Variants in CDKAL1 observed in about 807,000 individuals in gnomAD.
CDKAL1 encodes threonylcarbamoyladenosine tRNA methylthiotransferase.
Under a neutral mutation model 68.2 loss-of-function variants are expected in CDKAL1, and 32 were observed. That is an observed-to-expected ratio of 0.47 (90% CI 0.35 to 0.63). The LOEUF (loss-of-function observed/expected upper bound fraction) is 0.63. Ranked by LOEUF, CDKAL1 falls within the 30% of genes least tolerant of loss-of-function variation. CDKAL1 has a pLI of 0.00. For synonymous variants in CDKAL1, 234 were observed against 244.3 expected, an observed-to-expected ratio of 0.96 and a Z score of 0.39; for missense variants, 606 against 696.7, an observed-to-expected ratio of 0.87 and a Z score of 1.47.
chr6:21,076,091 T>C (rs898537180), intron 12 of CDKAL1, among the ~76,000 whole-genome samples: 1 of 152,156 alleles, frequency 6.6e-6, no homozygotes, highest in Non-Finnish European at 1.5e-5. Context: ...CTAGAACTTT[T>C]ACCCTTAAGA....
intron 14 of CDKAL1, among the ~76,000 whole-genome samples, chr6:21,199,542 C>T (rs973283461): frequency 2.0e-5 from 3 of 152,176 alleles, no homozygotes; most frequent in African/African-American, 7.2e-5. Flanking sequence ...TGGGTTTTGC[C>T]TCAGCAGGGA....
At chr6:20,946,332 C>T (rs538089156) in intron 9 of CDKAL1, among the ~76,000 whole-genome samples, 1 of 152,276 alleles carries the variant, frequency 6.6e-6, no homozygotes, top group African/African-American at 2.4e-5. Flanking sequence ...TTCAAGGGCT[C>T]TTCCTTTAGA....
At chr6:20,541,222 G>T (rs1055047731) in intron 2 of CDKAL1, among the ~76,000 whole-genome samples, 2 of 152,154 alleles carry the variant, frequency 1.3e-5, no homozygotes, top group African/African-American at 4.8e-5. Context: ...CTGGATGGCT[G>T]AGTTGGCCAG....
intron 4 of CDKAL1, among the ~76,000 whole-genome samples, chr6:20,586,076 A>G (rs1765342163): frequency 6.6e-6 from 1 of 152,100 alleles, no homozygotes; most frequent in Admixed American, 6.5e-5. Context: ...CACATCACAC[A>G]CTGAGTCTAT....
intron 2 of CDKAL1, among the ~76,000 whole-genome samples, chr6:20,537,640 A>C (rs954188563): frequency 2.7e-5 from 4 of 150,760 alleles, no homozygotes; most frequent in Non-Finnish European, 5.9e-5. Flanking sequence ...AAGCCTCCCT[A>C]ATAACTCACC....
intron 15 of CDKAL1, among the ~76,000 whole-genome samples, chr6:21,222,286 A>G (rs1779567333): frequency 6.6e-6 from 1 of 152,210 alleles, no homozygotes; most frequent in Admixed American, 6.5e-5. Context: ...TGAAAGGGGT[A>G]AGGGAAAAAT....
At chr6:21,204,066 C>T (rs1778802085) in intron 15 of CDKAL1, among the ~76,000 whole-genome samples, 1 of 152,132 alleles carries the variant, frequency 6.6e-6, no homozygotes. Flanking sequence ...CCTAATTTTT[C>T]CTGAAGAAAA....
intron 2 of CDKAL1, among the ~76,000 whole-genome samples, chr6:20,540,267 GT>G (rs1465289987): frequency 6.6e-6 from 1 of 151,572 alleles, no homozygotes; most frequent in African/African-American, 2.4e-5. Context: ...TAGAGATGGG[GT>G]TTCACCATGT....
chr6:21,141,774 A>G (rs7746383), intron 13 of CDKAL1, among the ~76,000 whole-genome samples: 70,233 of 151,952 alleles, frequency 0.46, 16,943 homozygotes, highest in African/African-American at 0.56. Context: ...AAGACTGTGA[A>G]TGGGATATGT....
chr6:20,832,660 A>C (rs73733101), intron 8 of CDKAL1, among the ~76,000 whole-genome samples: 19,229 of 152,102 alleles, frequency 0.13, 1,392 homozygotes, highest in African/African-American at 0.19. Context: ...TGTCTCTAAA[A>C]AAAGGAAATT....
At chr6:20,550,269 C>A (rs1763767577) in intron 4 of CDKAL1, among the ~76,000 whole-genome samples, 1 of 152,128 alleles carries the variant, frequency 6.6e-6, no homozygotes, top group South Asian at 2.1e-4. Flanking sequence ...TGAGCCACTG[C>A]ACCTGGCCCG....
intron 11 of CDKAL1, among the ~76,000 whole-genome samples, chr6:21,013,492 G>C (rs1768134995): frequency 6.6e-6 from 1 of 152,190 alleles, no homozygotes; most frequent in Admixed American, 6.5e-5. Context: ...GTCACCTCAA[G>C]TAATTTACAA....
intron 8 of CDKAL1, among the ~76,000 whole-genome samples, chr6:20,833,493 G>C (rs1777803885): frequency 6.6e-6 from 1 of 151,878 alleles, no homozygotes; most frequent in Admixed American, 6.6e-5. Context: ...TTATATATCT[G>C]GGTGGTATAT....
intron 9 of CDKAL1, among the ~76,000 whole-genome samples, chr6:20,889,834 G>A (rs1024952707): frequency 6.6e-6 from 1 of 152,144 alleles, no homozygotes; most frequent in Admixed American, 6.5e-5. Context: ...GATTGTCTTG[G>A]CAATGCGGGC....
intron 4 of CDKAL1, among the ~76,000 whole-genome samples, chr6:20,620,300 T>C (rs528329351): frequency 4.9e-4 from 74 of 152,336 alleles, no homozygotes; most frequent in African/African-American, 1.7e-3. Context: ...TTTTATAAAT[T>C]TAACATTCTT....
intron 5 of CDKAL1, among the ~76,000 whole-genome samples, chr6:20,679,400 G>A (rs1383296131): frequency 6.6e-6 from 1 of 152,014 alleles, no homozygotes; most frequent in East Asian, 1.9e-4. Context: ...CTACTTTTGT[G>A]CATTGCTACA....
At chr6:20,869,450 G>T (rs552105016) in intron 9 of CDKAL1, among the ~76,000 whole-genome samples, 1 of 152,164 alleles carries the variant, frequency 6.6e-6, no homozygotes, top group Non-Finnish European at 1.5e-5. Flanking sequence ...TAACGTGTGT[G>T]TTTTATTTCT....
At chr6:20,643,558 G>C (rs1259999321) in intron 4 of CDKAL1, among the ~76,000 whole-genome samples, 1 of 152,116 alleles carries the variant, frequency 6.6e-6, no homozygotes, top group African/African-American at 2.4e-5. Flanking sequence ...TGCATAAGGG[G>C]GTAAGCCATG....
intron 4 of CDKAL1, among the ~76,000 whole-genome samples, chr6:20,594,981 G>C (rs1411993004): frequency 6.6e-6 from 1 of 152,154 alleles, no homozygotes; most frequent in Non-Finnish European, 1.5e-5. Context: ...TTTTCTTTAA[G>C]AATGTTGAAT....
Sources: gnomAD v4.1 joint callset for allele counts (sites outside exome capture counted in the v4.1 genomes callset) on GRCh38, gnomAD v4.1.1 for gene constraint, MANE v1.5 for transcripts, NCBI Gene and HGNC (gene_info 2026-07-23, HGNC 2026-07-21) for gene names.